The following OCIAD1 variants were observed in gnomAD, a reference collection of about 807,000 sequenced individuals.
The protein encoded by OCIAD1 is OCIA domain containing 1, also known as OCIA domain-containing protein 1.
Under a neutral mutation model 38.9 loss-of-function variants are expected in OCIAD1, and 29 were observed. The ratio of observed to expected loss-of-function variants is 0.74; its 90% CI spans 0.55 to 1.02. The LOEUF (loss-of-function observed/expected upper bound fraction) is 1.02. Ranked by LOEUF, OCIAD1 falls within the 50% of genes least tolerant of loss-of-function variation. The pLI is 0.00. For missense variants in OCIAD1, 288 were observed against 289.6 expected (o/e 0.99, Z 0.04); for synonymous variants, 110 against 92.0 (o/e 1.20, Z -1.12).
At chr4:48,815,410 AG>A (rs1777134787) in intron 1 of OCIAD1, among the ~76,000 whole-genome samples, 1 of 152,230 alleles carries the variant, frequency 6.6e-6, no homozygotes, top group Admixed American at 6.5e-5. Context: ...TGTATTTGCA[AG>A]AAATAGCTGG....
intron 1 of OCIAD1, among the ~76,000 whole-genome samples, chr4:48,824,743 C>CT (rs1452412159): frequency 4.0e-5 from 6 of 151,652 alleles, no homozygotes; most frequent in African/African-American, 1.2e-4. Flanking sequence ...TTCAAATGAA[C>CT]TTTTTTGTTT....
intron 8 of OCIAD1, among the ~76,000 whole-genome samples, chr4:48,859,718 TTGTTGAAA>T (rs1432417285): frequency 2.0e-5 from 3 of 152,334 alleles, no homozygotes; most frequent in South Asian, 4.1e-4. Flanking sequence ...TTCTGAATTA[TTGTTGAAA>T]TTAGTACAGG....
chr4:48,815,084 T>C (rs4274819), intron 1 of OCIAD1, among the ~76,000 whole-genome samples: 149,493 of 152,260 alleles, frequency 0.98, 73,446 homozygotes, highest in East Asian at 1. Flanking sequence ...GAGGCTGAGG[T>C]GGGCAGATCA....
At chr4:48,823,100 T>C (rs985897223) in intron 1 of OCIAD1, among the ~76,000 whole-genome samples, 2 of 152,172 alleles carry the variant, frequency 1.3e-5, no homozygotes, top group African/African-American at 4.8e-5. Context: ...TGTATGTTTA[T>C]TGCAGCACTG....
intron 1 of OCIAD1, among the ~76,000 whole-genome samples, chr4:48,816,960 A>G (rs1204992576): frequency 6.6e-6 from 1 of 151,644 alleles, no homozygotes; most frequent in Non-Finnish European, 1.5e-5. Flanking sequence ...ACAGAGCGAG[A>G]CTCCCTCCTC....
intron 3 of OCIAD1, among the ~76,000 whole-genome samples, chr4:48,840,266 T>A (rs533355954): frequency 1.3e-5 from 2 of 152,370 alleles, no homozygotes; most frequent in East Asian, 3.9e-4. Flanking sequence ...CATTGCCTTT[T>A]ATTCTTATAT....
intron 1 of OCIAD1, among the ~76,000 whole-genome samples, chr4:48,809,163 A>T (rs1431598306): frequency 6.6e-6 from 1 of 152,170 alleles, no homozygotes; most frequent in Non-Finnish European, 1.5e-5. Context: ...TCTACAATTC[A>T]AACCTTATTT....
At chr4:48,814,102 G>T (rs1184082583) in intron 1 of OCIAD1, among the ~76,000 whole-genome samples, 1 of 152,120 alleles carries the variant, frequency 6.6e-6, no homozygotes, top group Admixed American at 6.5e-5. Context: ...ACAGCTCTTA[G>T]TGTGTTCTAT....
chr4:48,852,921 G>A (rs1379933105), intron 7 of OCIAD1, among the ~76,000 whole-genome samples: 3 of 138,756 alleles, frequency 2.2e-5, no homozygotes, highest in Non-Finnish European at 3.0e-5. Context: ...TTGCTCTGTC[G>A]CCCAGTCTGG....
chr4:48,843,994 T>C (rs1170703838), intron 4 of OCIAD1, among the ~76,000 whole-genome samples: 1 of 152,224 alleles, frequency 6.6e-6, no homozygotes, highest in Non-Finnish European at 1.5e-5. Context: ...CTAAATTGTA[T>C]AGTAGAGACT....
chr4:48,843,159 CAG>C (rs1372495767), intron 4 of OCIAD1, among the ~76,000 whole-genome samples: 20 of 152,140 alleles, frequency 1.3e-4, no homozygotes, highest in Admixed American at 2.0e-4. Context: ...ATCAGAATCT[CAG>C]GGGTCTGGCA....
intron 1 of OCIAD1, among the ~76,000 whole-genome samples, chr4:48,825,200 T>C (rs542768661): frequency 4.7e-4 from 72 of 152,310 alleles, no homozygotes; most frequent in Admixed American, 1.7e-3. Flanking sequence ...GCTTGCTCCT[T>C]GGGGTTACTC....
intron 3 of OCIAD1, among the ~76,000 whole-genome samples, chr4:48,835,538 A>G (rs954175475): frequency 1.3e-5 from 2 of 152,172 alleles, no homozygotes; most frequent in African/African-American, 4.8e-5. Flanking sequence ...TAACAACTTT[A>G]TAATAGTACT....
At chr4:48,823,714 G>A (rs1197139881) in intron 1 of OCIAD1, among the ~76,000 whole-genome samples, 22 of 151,310 alleles carry the variant, frequency 1.5e-4, no homozygotes, top group Non-Finnish European at 1.5e-5. Context: ...CCAGGCTGGA[G>A]TGCAGTGGCA....
intron 1 of OCIAD1, among the ~76,000 whole-genome samples, chr4:48,819,716 C>CAAAAAAAAAA (rs576081813): frequency 0.027 from 285 of 10,458 alleles, 96 homozygotes; most frequent in Non-Finnish European, 0.043. Flanking sequence ...TTACCAAGCG[C>CAAAAAAAAAA]AAAAAAAAAA....
At chr4:48,818,496 A>G (rs1777162450) in intron 1 of OCIAD1, among the ~76,000 whole-genome samples, 2 of 152,244 alleles carry the variant, frequency 1.3e-5, no homozygotes, top group Non-Finnish European at 2.9e-5. Flanking sequence ...AGGAAATTCC[A>G]AAAACCAGAA....
chr4:48,817,708 T>A (rs1777156259), intron 1 of OCIAD1, among the ~76,000 whole-genome samples: 1 of 152,310 alleles, frequency 6.6e-6, no homozygotes, highest in East Asian at 1.9e-4. Flanking sequence ...CACAGCAGTC[T>A]GAAGACAACT....
chr4:48,808,734 T>C (rs1373153571), intron 1 of OCIAD1, among the ~76,000 whole-genome samples: 1 of 152,212 alleles, frequency 6.6e-6, no homozygotes, highest in Non-Finnish European at 1.5e-5. Context: ...TATAAATTTC[T>C]GTTTTTGGTA....
intron 5 of OCIAD1, among the ~76,000 whole-genome samples, chr4:48,849,271 G>A (rs1779223532): frequency 6.6e-6 from 1 of 151,994 alleles, no homozygotes; most frequent in African/African-American, 2.4e-5. Flanking sequence ...TTATGCACAT[G>A]TACCCTAGAA....
Sources: gnomAD v4.1 joint callset for allele counts (sites outside exome capture counted in the v4.1 genomes callset) on GRCh38, gnomAD v4.1.1 for gene constraint, MANE v1.5 for transcripts, NCBI Gene and HGNC (gene_info 2026-07-23, HGNC 2026-07-21) for gene names.